The following MASP1 variants were observed in gnomAD, a reference collection of about 807,000 sequenced individuals.
The protein encoded by MASP1 is MBL associated serine protease 1.
Under a neutral mutation model 77.1 loss-of-function variants are expected in MASP1, and 59 were observed. The observed-to-expected ratio is 0.77, with a 90% confidence interval of 0.62 to 0.95. The LOEUF is 0.95. Ranked by LOEUF, MASP1 falls within the 40% of genes least tolerant of loss-of-function variation. The pLI is 0.00. For missense variants in MASP1, 885 were observed against 912.9 expected (o/e 0.97, Z 0.39); for synonymous variants, 362 against 354.5 (o/e 1.02, Z -0.24).
intron 10 of MASP1, among the ~76,000 whole-genome samples, 193 bp downstream of exon 10, chr3:187,241,288 A>G (rs1713614230): frequency 6.6e-6 from 1 of 152,216 alleles, no homozygotes; most frequent in Non-Finnish European, 1.5e-5. Context: ...TGGAGCAGGC[A>G]GAAAATACAG....
chr3:187,220,989 T>C, intron 15 of MASP1: 1 of 1,524,886 alleles, frequency 6.6e-7, no homozygotes, highest in Non-Finnish European at 9.1e-7. Context: ...TCTGCACCAC[T>C]CCCTGGCTGG....
At chr3:187,275,590 A>C (rs1447478240) in intron 2 of MASP1, among the ~76,000 whole-genome samples, 1 of 152,202 alleles carries the variant, frequency 6.6e-6, no homozygotes, top group Non-Finnish European at 1.5e-5. Flanking sequence ...TCCAGCCATC[A>C]TCAAGTTTCA....
In MASP1 at chr3:187,226,271, G is replaced by T; in HGVS notation, c.1555+136C>A. The T allele has an allele frequency of 2.8e-6, 2 of 710,954 alleles. 1 individual carries two copies. Among genetic ancestry groups the T allele is most frequent in the Non-Finnish European group, 5.1e-6 (2 of 391,394 alleles). The allele number at this position is 710,954 out of a possible 1,614,324, so 44.0% of individuals were successfully genotyped here. On this transcript the variant is annotated intron_variant, in intron 12 of 15. Coordinates refer to the MASP1 transcript ENST00000337774. ...ATCTTGCACTTGGACTCAGGTTCCT[G>T]GACCTCCATCCCAGGTGTCCTGCCC... is the stretch of plus-strand genomic sequence containing the variant.
intron 2 of MASP1, among the ~76,000 whole-genome samples, chr3:187,264,877 A>T (rs569119522): frequency 3.9e-5 from 6 of 152,276 alleles, no homozygotes; most frequent in African/African-American, 1.4e-4. Context: ...GAACTAGAGT[A>T]CACCATCTTG....
chr3:187,239,213 C>T (rs1362731438), intron 10 of MASP1, among the ~76,000 whole-genome samples: 3 of 150,010 alleles, frequency 2.0e-5, no homozygotes, highest in African/African-American at 7.4e-5. Context: ...AAAAGTCAGG[C>T]ATGGTGGTGC....
intron 4 of MASP1, among the ~76,000 whole-genome samples, chr3:187,259,988 C>G (rs555333100): frequency 1.3e-5 from 2 of 152,306 alleles, no homozygotes; most frequent in East Asian, 3.9e-4. Context: ...TCTTTCATCT[C>G]TGTCAAGGGT....
chr3:187,252,171 C>A (rs1418151886), intron 6 of MASP1, among the ~76,000 whole-genome samples: 1 of 152,158 alleles, frequency 6.6e-6, no homozygotes, highest in Non-Finnish European at 1.5e-5. Context: ...CAGCCACCAC[C>A]CCTGGGAGGG....
intron 2 of MASP1, among the ~76,000 whole-genome samples, chr3:187,273,835 A>G (rs1716729972): frequency 6.6e-6 from 1 of 152,218 alleles, no homozygotes; most frequent in South Asian, 2.1e-4. Flanking sequence ...TGGCAGATCT[A>G]AGCTCAAGTT....
intron 1 of MASP1, among the ~76,000 whole-genome samples, chr3:187,286,918 C>T (rs981848109): frequency 6.6e-6 from 1 of 152,176 alleles, no homozygotes; most frequent in African/African-American, 2.4e-5. Context: ...TCAACCAGTT[C>T]CCTGGCCTGA....
intron 8 of MASP1, among the ~76,000 whole-genome samples, chr3:187,247,772 C>T (rs1339890964): frequency 6.6e-6 from 1 of 152,102 alleles, no homozygotes; most frequent in Non-Finnish European, 1.5e-5. Context: ...ACCCATAATT[C>T]CCAGCTTCTT....
chr3:187,282,323 C>G (rs1016471018), intron 2 of MASP1, among the ~76,000 whole-genome samples: 2 of 151,840 alleles, frequency 1.3e-5, no homozygotes, highest in East Asian at 3.9e-4. Flanking sequence ...ATGGTGAAAC[C>G]CCGTCTCTGC....
At chr3:187,269,268 A>T (rs977275080) in intron 2 of MASP1, among the ~76,000 whole-genome samples, 1 of 152,120 alleles carries the variant, frequency 6.6e-6, no homozygotes, top group African/African-American at 2.4e-5. Context: ...AAGTAGGAAG[A>T]CCTATTTTGA....
chr3:187,243,854 A>T, intron 8 of MASP1: 1 of 573,970 alleles, frequency 1.7e-6, no homozygotes, highest in Non-Finnish European at 3.2e-6. Context: ...TGTGTGGTCA[A>T]CTCACCTGCC....
At chr3:187,236,859 C>A (rs926047413) in intron 10 of MASP1, among the ~76,000 whole-genome samples, 1 of 152,176 alleles carries the variant, frequency 6.6e-6, no homozygotes, top group Non-Finnish European at 1.5e-5. Flanking sequence ...CTGGCTAAGA[C>A]CACTTGTGAC....
intron 9 of MASP1, chr3:187,243,238 T>C: frequency 1.9e-6 from 1 of 520,972 alleles, no homozygotes; most frequent in Non-Finnish European, 3.5e-6. Context: ...CAGTGCTAGC[T>C]TTAAAGTTAA....
chr3:187,245,919 GC>G (rs1560247566), intron 8 of MASP1, among the ~76,000 whole-genome samples: 1 of 152,166 alleles, frequency 6.6e-6, no homozygotes, highest in Non-Finnish European at 1.5e-5. Context: ...GTACTGGGGG[GC>G]TTTCTAGAGA....
chr3:187,253,432 A>G (rs2108545114), intron 5 of MASP1, 117 bp from the exon 6 acceptor site: 2 of 1,011,496 alleles, frequency 2.0e-6, no homozygotes, highest in East Asian at 4.8e-5. Flanking sequence ...TTCCATATGA[A>G]CCCTTGGTAT....
chr3:187,287,923 C>T (rs1166378621), intron 1 of MASP1, among the ~76,000 whole-genome samples: 3 of 152,140 alleles, frequency 2.0e-5, no homozygotes, highest in Non-Finnish European at 4.4e-5. Flanking sequence ...GATTATGTAG[C>T]TATGTCATGT....
At chr3:187,227,324 C>T (rs1169761052) in intron 11 of MASP1, among the ~76,000 whole-genome samples, 1 of 152,120 alleles carries the variant, frequency 6.6e-6, no homozygotes, top group African/African-American at 2.4e-5. Flanking sequence ...GGGCCAGACC[C>T]CAGGGCTCCT....
Sources: gnomAD v4.1 joint callset for allele counts (sites outside exome capture counted in the v4.1 genomes callset) on GRCh38, gnomAD v4.1.1 for gene constraint, MANE v1.5 for transcripts, NCBI Gene and HGNC (gene_info 2026-07-23, HGNC 2026-07-21) for gene names.